Variants in LRRC4C observed in about 807,000 individuals in gnomAD.
LRRC4C encodes the protein leucine-rich repeat-containing protein 4C.
In LRRC4C, 5 loss-of-function variants were observed where a neutral mutation model predicts 33.6. The observed-to-expected ratio is 0.15, with a 90% CI of 0.08 to 0.31. The LOEUF is 0.31. Among genes scored for constraint, LRRC4C ranks in the 10% least tolerant of loss-of-function variants. The pLI, the probability that LRRC4C is intolerant of heterozygous loss-of-function variation, is 1.00. For missense variants in LRRC4C, 560 were observed against 796.7 expected, an observed-to-expected ratio of 0.70 and a Z score of 3.58; for synonymous variants, 329 against 302.0, an observed-to-expected ratio of 1.09 and a Z score of -0.93.
intron 1 of LRRC4C, among the ~76,000 whole-genome samples, chr11:41,293,889 G>A (rs1380712254): frequency 2.6e-5 from 4 of 151,998 alleles, no homozygotes; most frequent in Non-Finnish European, 4.4e-5. Context: ...GAGCCACCTC[G>A]CCCGGCCAAT....
intron 2 of LRRC4C, among the ~76,000 whole-genome samples, chr11:40,777,689 T>G (rs958419666): frequency 6.6e-6 from 1 of 151,470 alleles, no homozygotes. Flanking sequence ...ATTTTTTATT[T>G]TTTTTATTTT....
intron 3 of LRRC4C, among the ~76,000 whole-genome samples, chr11:40,519,352 T>C (rs910226520): frequency 1.3e-5 from 2 of 152,206 alleles, no homozygotes. Context: ...CATTAACATA[T>C]GACCCCCAGA....
chr11:40,157,205 A>C lies in LRRC4C; in HGVS notation c.-95-16352T>G, dbSNP rs146651855. ...ATGGTGCTGGGGTAATTGGCTAGTC[A>C]CATGTAGGAGAATGAAACTGGATCC... is the stretch of plus-strand genomic sequence containing the variant. On this transcript the variant is annotated intron_variant, in intron 5 of 6. Transcript: ENST00000528697. Among the ~76,000 whole-genome samples, 104 of 152,332 alleles carry C rather than the reference A, an allele frequency of 6.8e-4. 2 individuals carry two copies. The East Asian group carries it at 0.013, about 18-fold the overall frequency.
At chr11:40,227,872 A>T (rs1027117299) in intron 5 of LRRC4C, among the ~76,000 whole-genome samples, 1 of 152,188 alleles carries the variant, frequency 6.6e-6, no homozygotes, top group Non-Finnish European at 1.5e-5. Context: ...GAGGAAAAAG[A>T]TCTACCACTC....
At chr11:40,494,902 T>C (rs1954350161) in intron 3 of LRRC4C, among the ~76,000 whole-genome samples, 1 of 152,208 alleles carries the variant, frequency 6.6e-6, no homozygotes, top group Admixed American at 6.5e-5. Context: ...ACTTGGATAT[T>C]ATCTAAATGT....
rs566909571 is a variant in LRRC4C at position 41,048,975 on chromosome 11, T to A, written c.-495-115252A>T. Reference sequence around the variant, plus strand: ...GCATTGTATGCAGTGGGCAGATTGATTCGTAATGAGTTTGAAGAGTTAGGC... The same window carrying A: ...GCATTGTATGCAGTGGGCAGATTGAATCGTAATGAGTTTGAAGAGTTAGGC... On this transcript the variant is annotated intron_variant, in intron 1 of 6. Transcript: ENST00000528697. Among the ~76,000 whole-genome samples the A allele has an allele frequency of 1.3e-4, 20 of 152,314 alleles. No homozygotes were observed. In the South Asian group the frequency reaches 3.9e-3, roughly 30 times the overall value.
At chr11:41,326,630 T>C (rs1264004574) in intron 1 of LRRC4C, among the ~76,000 whole-genome samples, 2 of 152,098 alleles carry the variant, frequency 1.3e-5, no homozygotes, top group African/African-American at 4.8e-5. Context: ...GATGTAGATC[T>C]GATATAGAAG....
intron 3 of LRRC4C, among the ~76,000 whole-genome samples, chr11:40,471,201 A>G (rs569465944): frequency 3.9e-5 from 6 of 152,336 alleles, no homozygotes; most frequent in Non-Finnish European, 8.8e-5. Flanking sequence ...CAAAAACCCT[A>G]CAAGCCAGAA....
chr11:40,152,305 G>A (rs957575539), intron 5 of LRRC4C, among the ~76,000 whole-genome samples: 17 of 152,190 alleles, frequency 1.1e-4, no homozygotes, highest in Non-Finnish European at 1.3e-4. Flanking sequence ...TTGGGAGTTC[G>A]CTGGGTCCCC....
At chr11:40,146,717 A>T (rs959210267) in intron 5 of LRRC4C, among the ~76,000 whole-genome samples, 4 of 152,154 alleles carry the variant, frequency 2.6e-5, no homozygotes, top group African/African-American at 9.7e-5. Context: ...TCCTCAGATG[A>T]TATGTTTTCC....
chr11:40,179,669 T>C (rs1860820310), intron 5 of LRRC4C, among the ~76,000 whole-genome samples: 1 of 152,074 alleles, frequency 6.6e-6, no homozygotes, highest in Non-Finnish European at 1.5e-5. Flanking sequence ...AGCACGTGCC[T>C]TGGAAATGTC....
At chr11:40,388,334 G>A (rs1013275588) in intron 3 of LRRC4C, among the ~76,000 whole-genome samples, 2 of 152,004 alleles carry the variant, frequency 1.3e-5, no homozygotes, top group Non-Finnish European at 2.9e-5. Context: ...TTGTTTTATT[G>A]AGCTCAGGAT....
At chr11:40,521,404 T>C (rs1955806344) in intron 3 of LRRC4C, among the ~76,000 whole-genome samples, 1 of 152,190 alleles carries the variant, frequency 6.6e-6, no homozygotes, top group Admixed American at 6.5e-5. Context: ...TTTTTGAATA[T>C]TATAGTGCTA....
rs192922040 is a variant in LRRC4C, at chr11:40,774,454, A to G, written c.-406-126176T>C. 1.4e-4 allele frequency among the ~76,000 whole-genome samples: 22 copies of G among 152,288 alleles called. No individual in the cohort carries two copies. In the East Asian group the frequency reaches 4.2e-3, roughly 29 times the overall value. On this transcript the variant is annotated intron_variant, in intron 2 of 6. Coordinates refer to ENST00000528697, the MANE Select transcript of LRRC4C (RefSeq NM_001258419.2). ...GGAGTAGTCAATTGGGGATAAATTA[A>G]TCTGGAGCTATTCTGCATTTGTTAG...
intron 1 of LRRC4C, among the ~76,000 whole-genome samples, chr11:41,180,140 C>T (rs1945383797): frequency 1.3e-5 from 2 of 152,112 alleles, no homozygotes; most frequent in Admixed American, 1.3e-4. Flanking sequence ...GATCTAAAAA[C>T]ACAAGCAAAC....
At chr11:41,048,726 C>G (rs1476635332) in intron 1 of LRRC4C, among the ~76,000 whole-genome samples, 3 of 152,142 alleles carry the variant, frequency 2.0e-5, no homozygotes, top group Non-Finnish European at 4.4e-5. Flanking sequence ...TTATAGTAAG[C>G]TTTTAAATCT....
intron 2 of LRRC4C, among the ~76,000 whole-genome samples, chr11:40,852,956 C>A (rs1260208825): frequency 6.6e-6 from 1 of 152,140 alleles, no homozygotes; most frequent in Non-Finnish European, 1.5e-5. Context: ...TGAATAAGAG[C>A]TGATATGATC....
At chr11:40,229,872 G>C (rs964228118) in intron 5 of LRRC4C, among the ~76,000 whole-genome samples, 7 of 152,172 alleles carry the variant, frequency 4.6e-5, no homozygotes. Context: ...CTGTGGACCA[G>C]AAGAAAATTT....
chr11:40,224,622 G>A (rs1271358611), intron 5 of LRRC4C, among the ~76,000 whole-genome samples: 1 of 152,094 alleles, frequency 6.6e-6, no homozygotes. Flanking sequence ...TTTATTTATT[G>A]ATTCATCTCT....
Sources: gnomAD v4.1 joint callset for allele counts (sites outside exome capture counted in the v4.1 genomes callset) on GRCh38, gnomAD v4.1.1 for gene constraint, MANE v1.5 for transcripts, NCBI Gene and HGNC (gene_info 2026-07-23, HGNC 2026-07-21) for gene names.